Variants in CAMSAP1 observed in about 807,000 individuals in gnomAD.
The protein encoded by CAMSAP1 is calmodulin regulated spectrin associated protein 1.
A neutral mutation model predicts 143.5 loss-of-function variants in CAMSAP1; 58 were observed. The ratio of observed to expected loss-of-function variants is 0.40; its 90% CI spans 0.33 to 0.50. The LOEUF (loss-of-function observed/expected upper bound fraction) is 0.50. Among genes scored for constraint, CAMSAP1 ranks in the 20% least tolerant of loss-of-function variants. The pLI is 0.45. For missense variants in CAMSAP1, 1,969 were observed against 2,115.7 expected (o/e 0.93, Z 1.36); for synonymous variants, 945 against 859.3 (o/e 1.10, Z -1.74).
At chr9:135,881,818 A>G in intron 2 of CAMSAP1, 24 bp from the exon 3 acceptor site, 2 of 1,550,894 alleles carry the variant, frequency 1.3e-6, no homozygotes, top group Non-Finnish European at 1.7e-6. Context: ...CAGCAGCTAT[A>G]ATCCCTCAAA....
chr9:135,904,631 T>C lies in CAMSAP1; in HGVS notation c.160+2369A>G, dbSNP rs1035975530. Among the ~76,000 whole-genome samples, 5 of 151,654 alleles carry C rather than the reference T, an allele frequency of 3.3e-5. No homozygotes were observed. In the South Asian group the frequency reaches 1.0e-3, roughly 32 times the overall value. On this transcript the variant is annotated intron_variant, in intron 1 of 16. Coordinates refer to ENST00000389532, the MANE Select transcript of CAMSAP1 (RefSeq NM_015447.4). ...TTTTTGTAATTACATATGCTCCCCC[T>C]GTGAAGCAAACTATAGAATGTAAAA...
chr9:135,825,952 A>G (rs1835656958), intron 8 of CAMSAP1, among the ~76,000 whole-genome samples: 1 of 152,066 alleles, frequency 6.6e-6, no homozygotes, highest in South Asian at 2.1e-4. Context: ...GCCCGGGGGG[A>G]AGCTGGGCAG....
chr9:135,817,389 A>AT (rs1835266591), intron 14 of CAMSAP1, among the ~76,000 whole-genome samples: 1 of 151,566 alleles, frequency 6.6e-6, no homozygotes, highest in Non-Finnish European at 1.5e-5. Context: ...TTTTCTGTTT[A>AT]TTTTTGCTTT....
chr9:135,811,436 T>C lies in CAMSAP1; in HGVS notation c.4682A>G (p.Asp1561Gly). The change falls in exon 17 of 17, where the codon GAC becomes GGC. Residue 1561 changes from aspartate (D) to glycine (G), a missense_variant. By Grantham distance (94) the Asp-to-Gly change is moderately conservative. Transcript: ENST00000389532. The surrounding 1 kb of genome is among the most constrained non-coding windows in gnomAD (Gnocchi z 4.9). Reference sequence around the variant, plus strand: ...TGGGATCAAGTTAAACTGTTTTCGGTCTGAGCTGTATTTATACAGTTTGTC... The same window carrying C: ...TGGGATCAAGTTAAACTGTTTTCGGCCTGAGCTGTATTTATACAGTTTGTC... The part of the protein sequence containing the change: ...MIDKLYKYSS[D>G]RKQFNLIPAK... 1.9e-6 allele frequency: 3 copies of C among 1,612,790 alleles called. No individual in the cohort carries two copies. The highest frequency in any genetic ancestry group is 2.5e-6 in the Non-Finnish European group (3 of 1,179,340).
intron 7 of CAMSAP1, among the ~76,000 whole-genome samples, chr9:135,834,391 A>G (rs2131692547): frequency 6.6e-6 from 1 of 152,362 alleles, no homozygotes; most frequent in Non-Finnish European, 1.5e-5. Flanking sequence ...TTGCCCAGAT[A>G]TAGAATCAAT....
chr9:135,860,717 T>C (rs1035954007), intron 5 of CAMSAP1, among the ~76,000 whole-genome samples: 2 of 131,436 alleles, frequency 1.5e-5, no homozygotes, highest in African/African-American at 6.8e-5. Context: ...GTTCTCTTTT[T>C]AATGTCCATC....
rs113298017 is a variant in CAMSAP1, at chr9:135,821,919, T to C, written c.2742A>G (p.Ala914=). The C allele has an allele frequency of 1.3e-3, 2,061 of 1,613,538 alleles. 14 individuals are homozygous for C. In the African/African-American group the frequency reaches 0.014, roughly 11 times the overall value. The stretch of plus-strand genomic sequence containing the variant: ...TGCCCTTCTTCACCACATGCAGGAA[T>C]GCAGCCTTGCCGAGCTTCAGGCGCT... The part of the protein sequence containing the change: ...ARQRLKLGKA[A]FLHVVKKGKA... Residue 914 remains alanine, a synonymous_variant, in exon 11 of 17, where the codon GCA becomes GCG. Coordinates refer to ENST00000389532, the MANE Select transcript of CAMSAP1 (RefSeq NM_015447.4). The surrounding 1 kb of genome is among the most constrained non-coding windows in gnomAD (Gnocchi z 4.6).
At chr9:135,859,657 G>A (rs936155810) in intron 5 of CAMSAP1, among the ~76,000 whole-genome samples, 2 of 151,866 alleles carry the variant, frequency 1.3e-5, no homozygotes, top group Non-Finnish European at 2.9e-5. Flanking sequence ...CTCCCAAAGT[G>A]CTGGGATTAC....
At position 135,862,454 on chromosome 9, in the gene CAMSAP1, A is replaced by G; in HGVS notation, c.808+13T>C. On this transcript the variant is annotated intron_variant, in intron 5 of 16. Coordinates refer to ENST00000389532, the MANE Select transcript of CAMSAP1 (RefSeq NM_015447.4). ...CTTTTCGGATCTGTTTCAGGGAAGC[A>G]TTCTCCACTCACCATCCAGTTTCAT... 1.9e-6 allele frequency: 3 copies of G among 1,550,926 alleles called. No individual in the cohort carries two copies. Among genetic ancestry groups the G allele is most frequent in the Non-Finnish European group, 2.6e-6 (3 of 1,146,782 alleles).
chr9:135,876,493 G>T (rs936939971), intron 3 of CAMSAP1, among the ~76,000 whole-genome samples: 1 of 152,164 alleles, frequency 6.6e-6, no homozygotes, highest in Non-Finnish European at 1.5e-5. Context: ...ACGACAATGA[G>T]CGACAGTTAC....
In CAMSAP1 at chr9:135,907,059, G is replaced by A. The variant is rs1160854893; in HGVS notation, c.101C>T (p.Ala34Val). The A allele has an allele frequency of 1.7e-6, 2 of 1,208,198 alleles. No homozygotes were observed. The highest frequency in any genetic ancestry group is 2.2e-5 in the South Asian group (1 of 45,094). 74.8% of individuals were successfully genotyped at this position (1,208,198 alleles called of 1,614,324 possible). A position where few individuals can be genotyped will look rare whatever the true frequency, so the allele number is the denominator to read the frequency against. The change falls in exon 1 of 17, where the codon GCG (alanine) becomes GTG (valine). Residue 34 changes from alanine (A) to valine (V), a missense_variant. Transcript: ENST00000389532. ...GTTGGCGGCGATCTTGGCGCGCGCC[G>A]CGTCGTAGCGGTCCAGGGGCACGAG... ...ADLVPLDRYD[A>V]ARAKIAANLQ...
intron 4 of CAMSAP1, among the ~76,000 whole-genome samples, chr9:135,864,306 G>T (rs1281057005): frequency 6.6e-6 from 1 of 152,196 alleles, no homozygotes; most frequent in Non-Finnish European, 1.5e-5. Context: ...GATTCAAAAA[G>T]TTAAAAGATC....
At chr9:135,876,881 C>A (rs540212535) in intron 3 of CAMSAP1, among the ~76,000 whole-genome samples, 2 of 152,070 alleles carry the variant, frequency 1.3e-5, no homozygotes, top group South Asian at 4.1e-4. Flanking sequence ...TGGTGGCAGG[C>A]GCCTGTAATC....
intron 7 of CAMSAP1, among the ~76,000 whole-genome samples, chr9:135,835,100 C>T (rs111686596): frequency 6.6e-6 from 1 of 152,060 alleles, no homozygotes; most frequent in Non-Finnish European, 1.5e-5. Context: ...AAAATGTGTC[C>T]ATTTGGGAGG....
rs746267651 is a variant in CAMSAP1 at position 135,820,872 on chromosome 9, G to A, written c.3789C>T (p.Gly1263=). 55 of 1,613,288 alleles carry A rather than the reference G, an allele frequency of 3.4e-5. No individual in the cohort carries two copies. Among genetic ancestry groups the A allele is most frequent in the Middle Eastern group, 1.6e-4 (1 of 6,084 alleles). The stretch of plus-strand genomic sequence containing the variant: ...AGAAGCCGACCCCCGGCTTCTGGTC[G>A]CCTTCGCTGACAAGGTCCGCCGAGC... ...LDGSADLVSE[G]DQKPGVGFFF... The change falls in exon 11 of 17, where the codon GGC becomes GGT. Residue 1263 remains glycine (G), a synonymous_variant. Coordinates refer to ENST00000389532, the MANE Select transcript of CAMSAP1 (RefSeq NM_015447.4). This position sits in a 1 kb window ranked among gnomAD's most constrained non-coding sequence, Gnocchi z 4.4.
chr9:135,881,287 G>T (rs144887531), intron 3 of CAMSAP1, among the ~76,000 whole-genome samples: 165 of 152,116 alleles, frequency 1.1e-3, no homozygotes, highest in African/African-American at 3.8e-3. Flanking sequence ...GAGCCTGGGA[G>T]GTCAAGGCTG....
rs770948441 is a variant in CAMSAP1, at chr9:135,818,359, G to A, written c.4168+49C>T. 1.7e-5 allele frequency: 25 copies of A among 1,505,724 alleles called. No individual in the cohort carries two copies. The East Asian group carries it at 2.2e-4, about 13-fold the overall frequency. 93.3% of individuals were successfully genotyped at this position (1,505,724 alleles called of 1,614,324 possible). The stretch of plus-strand genomic sequence containing the variant: ...GAAATGAGCTGAAGAACGTGAGGCC[G>A]CCGCCCGCGGAAGGAAGCGCTGCCC... On this transcript the variant is annotated intron_variant, in intron 13 of 16. Transcript: ENST00000389532. The surrounding 1 kb of genome is among the most constrained non-coding windows in gnomAD (Gnocchi z 7.7).
rs368306878 is a variant in CAMSAP1 at position 135,810,342 on chromosome 9, C to G, written c.*967G>C. The G allele has an allele frequency of 1.3e-5, 2 of 152,196 alleles. No homozygotes were observed. Among genetic ancestry groups the G allele is most frequent in the Non-Finnish European group, 2.9e-5 (2 of 68,032 alleles). The allele number at this position is 152,196 out of a possible 1,614,324, so 9.4% of individuals were successfully genotyped here. A position where few individuals can be genotyped will look rare whatever the true frequency, so the allele number is the denominator to read the frequency against. ...GATGCAGAATCCAGACAGGACAAGCCGTGACCTAACAAAACCACTGAAGGG... is the reference window on the plus strand; with the variant it reads ...GATGCAGAATCCAGACAGGACAAGCGGTGACCTAACAAAACCACTGAAGGG... On this transcript the variant is annotated 3_prime_UTR_variant, in exon 17 of 17. Transcript: ENST00000389532.
rs1277012712 is a variant in CAMSAP1, at chr9:135,866,477, C to G, written c.645G>C (p.Leu215Phe). 1 of 1,468,488 alleles carries G rather than the reference C, an allele frequency of 6.8e-7. No homozygotes were observed. The highest frequency in any genetic ancestry group is 9.3e-7 in the Non-Finnish European group (1 of 1,071,546). The allele number at this position is 1,468,488 out of a possible 1,614,324, so 91.0% of individuals were successfully genotyped here. ...TTACCTTTTGATGAGCTGGACTTTC[C>G]AATAACTGTTGTTTTAATTTAACTT... ...EKEVKLKQQLLESPAHQKVRY... is the reference protein window; with the variant it reads ...EKEVKLKQQLFESPAHQKVRY... Residue 215 changes from leucine (L) to phenylalanine (F), a missense_variant, in exon 4 of 17, where the codon TTG becomes TTC. Physicochemically the swap from Leu to Phe is conservative, Grantham distance 22. This residue lies in a region of CAMSAP1 where 221 missense variants were observed against 298.2 expected (regional missense o/e 0.74). Transcript: ENST00000389532.
Sources: allele counts gnomAD v4.1 joint callset (sites outside exome capture counted in the v4.1 genomes callset), GRCh38; gene constraint gnomAD v4.1.1; regional missense constraint gnomAD v4.1.1; non-coding constraint Gnocchi (gnomAD v3.1); transcripts MANE v1.5; gene names NCBI Gene and HGNC (gene_info 2026-07-23, HGNC 2026-07-21).